The following TM6SF1 variants were observed in gnomAD, a reference collection of about 807,000 sequenced individuals.
TM6SF1 encodes transmembrane 6 superfamily member 1.
TM6SF1 carries 43 observed loss-of-function variants against 47.1 expected under a neutral mutation model. The ratio of observed to expected loss-of-function variants is 0.91; its 90% confidence interval spans 0.72 to 1.18. TM6SF1 has a LOEUF of 1.18. Among genes scored for constraint, TM6SF1 ranks in the 50% most tolerant of loss-of-function variants. TM6SF1 has a pLI of 0.00. For missense variants in TM6SF1, 390 were observed against 449.0 expected (o/e 0.87, Z 1.19); for synonymous variants, 177 against 166.3 (o/e 1.06, Z -0.49).
At chr15:83,136,407 C>A in intron 9 of TM6SF1, 74 bp from the exon 10 acceptor site, 2 of 1,282,726 alleles carry the variant, frequency 1.6e-6, no homozygotes, top group Non-Finnish European at 1.1e-6. Context: ...CCTGAATGAA[C>A]CATTCAGAAC....
intron 9 of TM6SF1, chr15:83,128,463 T>C (rs193096614): frequency 6.6e-6 from 1 of 152,360 alleles, no homozygotes; most frequent in East Asian, 1.9e-4. Context: ...TGCTCTTTGC[T>C]GGTTGTTTTT....
In TM6SF1 at chr15:83,124,775, T is replaced by C; in HGVS notation, c.707T>C (p.Leu236Ser). The change falls in exon 7 of 10, where the codon TTG (leucine) becomes TCG (serine). Residue 236 changes from leucine (L) to serine (S), a missense_variant and splice_region_variant. By Grantham distance (145) the Leu-to-Ser change is moderately radical. Transcript: ENST00000322019. ...ACTGGATTTTGCCTGTTCAGAGGTT[T>C]GGTAAGCATAACAGATCATAATAAC... is the stretch of plus-strand genomic sequence containing the variant. The part of the protein sequence containing the change: ...LATGFCLFRG[L>S]IALDCPSELC... 6.2e-7 allele frequency: 1 copy of C among 1,611,168 alleles called. No individual in the cohort carries two copies. The highest frequency in any genetic ancestry group is 1.7e-5 in the Admixed American group (1 of 60,022).
At chr15:83,123,884 T>C (rs1254510089) in intron 6 of TM6SF1, among the ~76,000 whole-genome samples, 5 of 152,250 alleles carry the variant, frequency 3.3e-5, no homozygotes, top group African/African-American at 1.2e-4. Context: ...GCAGGCATTG[T>C]CATACAGTGC....
At chr15:83,115,466 C>T in intron 2 of TM6SF1, 1 of 374,194 alleles carries the variant, frequency 2.7e-6, no homozygotes, top group Non-Finnish European at 5.2e-6. Context: ...TCCTTGGCCA[C>T]TCAGTTACTG....
rs916494015 is a variant in TM6SF1 at position 83,119,790 on chromosome 15, T to C, written c.398+109T>C. 5 of 1,536,214 alleles carry C rather than the reference T, an allele frequency of 3.3e-6. No individual in the cohort carries two copies. The African/African-American group carries it at 6.8e-5, about 21-fold the overall frequency. On this transcript the variant is annotated intron_variant, in intron 4 of 9. Coordinates refer to ENST00000322019, the MANE Select transcript of TM6SF1 (RefSeq NM_023003.5). ...AATACACAAGCAGGTATACTGGACA[T>C]GAATATAAGTTCCATGGGTGCACGT...
intron 7 of TM6SF1, among the ~76,000 whole-genome samples, chr15:83,125,711 C>T (rs552944270): frequency 1.3e-5 from 2 of 152,292 alleles, no homozygotes; most frequent in East Asian, 1.9e-4. Flanking sequence ...CCTGTTGGCG[C>T]GCGTAACAGT....
rs536975177 is a variant in TM6SF1, at chr15:83,122,395, GTAGATAGA to G, written c.482-347_482-340del. Among the ~76,000 whole-genome samples the G allele has an allele frequency of 2.6e-3, 392 of 151,974 alleles. 3 individuals are homozygous for G. Among genetic ancestry groups the G allele is most frequent in the Non-Finnish European group, 2.9e-3 (199 of 67,968 alleles). ...GTATGCAGGAAATCAGGATATATAG[GTAGATAGA>G]TAGATAGATAGATATAGATATAGGG... is the stretch of plus-strand genomic sequence containing the variant. On this transcript the variant is annotated intron_variant, in intron 5 of 9. Coordinates refer to ENST00000322019, the MANE Select transcript of TM6SF1 (RefSeq NM_023003.5).
At position 83,119,644 on chromosome 15, in the gene TM6SF1, C is replaced by A; in HGVS notation, c.361C>A (p.Leu121Met). The part of the protein sequence containing the change: ...ICYWDGSAHY[L>M]MYLVMVAAIA... ...CTACTGGGATGGCTCTGCTCATTAT[C>A]TGATGTACCTGGTGATGGTGGCAGC... The change falls in exon 4 of 10, where the codon CTG becomes ATG. Residue 121 changes from leucine (L) to methionine (M), a missense_variant. By Grantham distance (15) the Leu-to-Met change is conservative. Transcript: ENST00000322019. 6.2e-7 allele frequency: 1 copy of A among 1,614,176 alleles called. No individual in the cohort carries two copies. The highest frequency in any genetic ancestry group is 8.5e-7 in the Non-Finnish European group (1 of 1,180,016).
intron 9 of TM6SF1, chr15:83,133,886 G>A (rs985114458): frequency 6.6e-6 from 1 of 152,274 alleles, no homozygotes; most frequent in African/African-American, 2.4e-5. Context: ...TGCTCACTCA[G>A]CTGGAAGTGT....
intron 9 of TM6SF1, chr15:83,135,393 C>T (rs1248926675): frequency 6.6e-6 from 1 of 152,092 alleles, no homozygotes; most frequent in Non-Finnish European, 1.5e-5. Flanking sequence ...ACTTCTATGC[C>T]TTCTCTATAG....
At chr15:83,115,573 C>G (rs2034583104) in intron 2 of TM6SF1, 1 of 583,566 alleles carries the variant, frequency 1.7e-6, no homozygotes, top group African/African-American at 1.8e-5. Flanking sequence ...CTAGAATCTT[C>G]TGTGACTGAG....
At chr15:83,111,264 T>A (rs957182325) in intron 1 of TM6SF1, among the ~76,000 whole-genome samples, 25 of 151,960 alleles carry the variant, frequency 1.6e-4, no homozygotes, top group African/African-American at 5.8e-4. Context: ...TCATCATCTA[T>A]CCATCCATTT....
chr15:83,135,642 T>C (rs1345823206), intron 9 of TM6SF1: 1 of 152,128 alleles, frequency 6.6e-6, no homozygotes, highest in Admixed American at 6.5e-5. Flanking sequence ...TTGCGAAAAA[T>C]ATCAAAAAAG....
intron 1 of TM6SF1, chr15:83,108,018 G>T: frequency 1.4e-6 from 1 of 735,466 alleles, no homozygotes; most frequent in Non-Finnish European, 1.9e-6. Flanking sequence ...TGCCAGCACC[G>T]CGCCAGGTGC....
chr15:83,115,147 T>C lies in TM6SF1; in HGVS notation c.197-698T>C, dbSNP rs569783765. ...CTTTTTTTTTTTTTGAGACAGAGTC[T>C]TGTTCTGTCGCCCAGGCTGGAGTGC... On this transcript the variant is annotated intron_variant, in intron 2 of 9. Transcript: ENST00000322019. The C allele has an allele frequency of 6.4e-5, 10 of 156,462 alleles. No individual in the cohort carries two copies. In the South Asian group the frequency reaches 1.9e-3, roughly 30 times the overall value. The allele number at this position is 156,462 out of a possible 1,614,324, so 9.7% of individuals were successfully genotyped here.
rs2035796136 is a variant in TM6SF1, at chr15:83,126,850, C to T, written c.801+3C>T. ...CTGCTGCTTATCCTAAAATTCAGGT[C>T]AAGTAGTTATGAAGCCTAAGATTTT... On this transcript the variant is annotated splice_donor_region_variant and intron_variant, in intron 8 of 9. Coordinates refer to ENST00000322019, the MANE Select transcript of TM6SF1 (RefSeq NM_023003.5). 3 of 1,605,410 alleles carry T rather than the reference C, an allele frequency of 1.9e-6. No individual in the cohort carries two copies. Among genetic ancestry groups the T allele is most frequent in the African/African-American group, 2.7e-5 (2 of 74,364 alleles).
rs2033780650 is a variant in TM6SF1, at chr15:83,107,663, A to G, written c.-18A>G. ...GCCCAGCGGGATGCGGTGAAGGGCG[A>G]GCGGCGCGGCGGCTGCGATGAGTGC... On this transcript the variant is annotated 5_prime_UTR_variant, in exon 1 of 10. Transcript: ENST00000322019. The surrounding 1 kb of genome is among the most constrained non-coding windows in gnomAD (Gnocchi z 5.6). 7 of 1,534,986 alleles carry G rather than the reference A, an allele frequency of 4.6e-6. No individual in the cohort carries two copies. Among genetic ancestry groups the G allele is most frequent in the Non-Finnish European group, 6.1e-6 (7 of 1,141,726 alleles).
chr15:83,110,482 T>C lies in TM6SF1; in HGVS notation c.93-2315T>C, dbSNP rs62010206. On this transcript the variant is annotated intron_variant, in intron 1 of 9. Transcript: ENST00000322019. ...TTCCCTTCATTCTTCCCTCCTCTCC[T>C]GGAGCTAAGAGCATGAGAGGACGCT... Among the ~76,000 whole-genome samples, 294 of 152,292 alleles carry C rather than the reference T, an allele frequency of 1.9e-3. 1 individual carries two copies. The highest frequency in any genetic ancestry group is 3.4e-3 in the Non-Finnish European group (233 of 68,012).
intron 9 of TM6SF1, chr15:83,134,448 C>G (rs1490881828): frequency 6.6e-6 from 1 of 152,212 alleles, no homozygotes; most frequent in Non-Finnish European, 1.5e-5. Flanking sequence ...GTCTTGAACT[C>G]CTGACCTCAG....
Sources: allele counts gnomAD v4.1 joint callset (sites outside exome capture counted in the v4.1 genomes callset), GRCh38; gene constraint gnomAD v4.1.1; non-coding constraint Gnocchi (gnomAD v3.1); transcripts MANE v1.5; gene names NCBI Gene and HGNC (gene_info 2026-07-23, HGNC 2026-07-21).